The following TRAPPC9 variants were observed in gnomAD, a reference collection of about 807,000 sequenced individuals.
The protein encoded by TRAPPC9 is trafficking protein particle complex subunit 9, also known as IKK2 binding protein.
In TRAPPC9, 83 loss-of-function variants were observed where a neutral mutation model predicts 124.0. The ratio of observed to expected loss-of-function variants is 0.67; its 90% CI spans 0.56 to 0.80. TRAPPC9 has a LOEUF of 0.80. TRAPPC9 is among the 30% of genes least tolerant of loss of function. The pLI is 0.00. For synonymous variants in TRAPPC9, 638 were observed against 617.5 expected (o/e 1.03, Z -0.49); for missense variants, 1,302 against 1,508.3 (o/e 0.86, Z 2.27).
At chr8:139,791,824 G>A (rs1191611799) in intron 21 of TRAPPC9, among the ~76,000 whole-genome samples, 1 of 152,230 alleles carries the variant, frequency 6.6e-6, no homozygotes, top group Non-Finnish European at 1.5e-5. Context: ...CAGGGACAGT[G>A]CACAGGTCAC....
In TRAPPC9 at chr8:140,312,846, G is replaced by A. The variant is rs139495070; in HGVS notation, c.1496-1472C>T. ...ACAATCTCAGCTCACTGCAACCTCC[G>A]CCTCCCAGGTTCAAGCAATCCTCCC... On this transcript the variant is annotated intron_variant, in intron 9 of 22. Coordinates refer to ENST00000438773, the MANE Select transcript of TRAPPC9 (RefSeq NM_001160372.4). Among the ~76,000 whole-genome samples the A allele has an allele frequency of 4.2e-3, 613 of 145,966 alleles. 1 individual carries two copies. Among genetic ancestry groups the A allele is most frequent in the African/African-American group, 0.014 (567 of 39,378 alleles).
At chr8:139,762,978 C>T (rs1298034669) in intron 21 of TRAPPC9, among the ~76,000 whole-genome samples, 1 of 152,238 alleles carries the variant, frequency 6.6e-6, no homozygotes, top group East Asian at 1.9e-4. Context: ...GAGGCTGCAG[C>T]TGCAGCCGGG....
At chr8:140,276,706 A>G (rs12547346) in intron 14 of TRAPPC9, among the ~76,000 whole-genome samples, 48,859 of 152,002 alleles carry the variant, frequency 0.32, 8,522 homozygotes, top group African/African-American at 0.43. Context: ...AAATGCCAGC[A>G]GATGACAAAT....
At chr8:140,022,486 A>G (rs923336498) in intron 18 of TRAPPC9, among the ~76,000 whole-genome samples, 3 of 152,136 alleles carry the variant, frequency 2.0e-5, no homozygotes, top group Non-Finnish European at 4.4e-5. Context: ...CTCATCTTCA[A>G]CTGTCATTTA....
intron 17 of TRAPPC9, among the ~76,000 whole-genome samples, chr8:140,050,100 G>A (rs1392695376): frequency 6.6e-6 from 1 of 152,190 alleles, no homozygotes; most frequent in Non-Finnish European, 1.5e-5. Context: ...GGGGACCCAT[G>A]TTGATAGTGG....
intron 19 of TRAPPC9, among the ~76,000 whole-genome samples, chr8:139,935,944 T>C (rs1170081619): frequency 1.3e-5 from 2 of 152,198 alleles, no homozygotes; most frequent in African/African-American, 4.8e-5. Context: ...CAGGATGGCA[T>C]GTGACCTTTC....
chr8:139,953,318 C>T (rs1186521419), intron 19 of TRAPPC9, among the ~76,000 whole-genome samples: 1 of 152,194 alleles, frequency 6.6e-6, no homozygotes, highest in Non-Finnish European at 1.5e-5. Context: ...CATGCTGACA[C>T]ACTGTCTCTA....
At position 139,773,871 on chromosome 8, in the gene TRAPPC9, A is replaced by G. The variant is rs774762066; in HGVS notation, c.3056-41669T>C. On this transcript the variant is annotated intron_variant, in intron 21 of 22. Transcript: ENST00000438773. ...AAATTAAAATGTCTAAAAATAAATA[A>G]CATAGGAAGACAAAGTGCCTGTTTT... Among the ~76,000 whole-genome samples the G allele has an allele frequency of 2.0e-5, 3 of 152,218 alleles. No individual in the cohort carries two copies. In the South Asian group the frequency reaches 6.2e-4, roughly 31 times the overall value.
rs1465913833 is a variant in TRAPPC9 at position 139,776,118 on chromosome 8, C to CAA, written c.3056-43917_3056-43916insTT. 6.6e-6 allele frequency among the ~76,000 whole-genome samples: 1 copy of CAA among 152,202 alleles called. No homozygotes were observed. Among genetic ancestry groups the CAA allele is most frequent in the Admixed American group, 6.5e-5 (1 of 15,284 alleles). ...AACCTCCTTCCTGAGGACAAGAGGA[C>CAA]GAGGCTGGACTCTGCCAGGACCACG... is the stretch of plus-strand genomic sequence containing the variant. On this transcript the variant is annotated intron_variant, in intron 21 of 22. Coordinates refer to ENST00000438773, the MANE Select transcript of TRAPPC9 (RefSeq NM_001160372.4). The surrounding 1 kb of genome is among the most constrained non-coding windows in gnomAD (Gnocchi z 4.1).
At chr8:140,388,606 C>A (rs376530458) in intron 7 of TRAPPC9, among the ~76,000 whole-genome samples, 2 of 152,080 alleles carry the variant, frequency 1.3e-5, no homozygotes, top group East Asian at 1.9e-4. Context: ...TCGCTTGAAC[C>A]CAGGAGGCAG....
chr8:140,369,795 T>G (rs751187680), intron 8 of TRAPPC9, among the ~76,000 whole-genome samples: 18 of 151,900 alleles, frequency 1.2e-4, no homozygotes, highest in Non-Finnish European at 2.2e-4. Flanking sequence ...CTACTAAAAA[T>G]ACAAAAATTA....
At position 140,101,532 on chromosome 8, in the gene TRAPPC9, C is replaced by CTTTTTTTTTTTTTTTTTTTT. The variant is rs1234280796; in HGVS notation, c.2557-77454_2557-77453insAAAAAAAAAAAAAAAAAAAA. Among the ~76,000 whole-genome samples, 13 of 78,718 alleles carry CTTTTTTTTTTTTTTTTTTTT rather than the reference C, an allele frequency of 1.7e-4. 2 individuals are homozygous for CTTTTTTTTTTTTTTTTTTTT. The highest frequency in any genetic ancestry group is 4.5e-4 in the East Asian group (1 of 2,206). The allele number at this position is 78,718 out of a possible 152,430, so 51.6% of individuals were successfully genotyped here. On this transcript the variant is annotated intron_variant, in intron 17 of 22. Transcript: ENST00000438773. ...ACTTGGGTTGGTTTTGTAGGGTTTT[C>CTTTTTTTTTTTTTTTTTTTT]TTTTTTTTGTTTTTTTTTTTTTTTT...
intron 18 of TRAPPC9, among the ~76,000 whole-genome samples, chr8:140,000,373 T>A (rs532864219): frequency 1.3e-5 from 2 of 152,196 alleles, no homozygotes; most frequent in East Asian, 3.9e-4. Flanking sequence ...AAAGCCAAAA[T>A]AGACAAATGG....
intron 7 of TRAPPC9, among the ~76,000 whole-genome samples, chr8:140,389,393 A>AG (rs1364652703): frequency 6.6e-6 from 1 of 152,028 alleles, no homozygotes; most frequent in Non-Finnish European, 1.5e-5. Context: ...AATCCCTCAT[A>AG]GGGGGGGTTA....
chr8:139,845,679 AGGGCAAC>A lies in TRAPPC9; in HGVS notation c.3055+40193_3055+40199del, dbSNP rs1827031433. Reference sequence around the variant, plus strand: ...CTGTCCTGACTCCAGGCTGTGCCCCAGGGCAACGGCAGAGGTACAGTGCAGGTGCCTG... The same window carrying A: ...CTGTCCTGACTCCAGGCTGTGCCCCAGGCAGAGGTACAGTGCAGGTGCCTG... On this transcript the variant is annotated intron_variant, in intron 21 of 22. Transcript: ENST00000438773. 5.9e-5 allele frequency among the ~76,000 whole-genome samples: 9 copies of A among 152,322 alleles called. No homozygotes were observed. The South Asian group carries it at 1.9e-3, about 32-fold the overall frequency.
Position 140,024,025 on chromosome 8 carries a change from C to T in TRAPPC9, c.2611G>A (p.Gly871Arg). Residue 871 changes from glycine (G) to arginine (R), a missense_variant, in exon 18 of 23, where the codon GGA (glycine) becomes AGA (arginine). Gly to Arg is a moderately radical substitution (Grantham distance 125, BLOSUM62 -2). Around this residue, in one of 3 missense-constraint regions of TRAPPC9, gnomAD observed 640 missense variants for 679.3 expected, o/e 0.94. Coordinates refer to ENST00000438773, the MANE Select transcript of TRAPPC9 (RefSeq NM_001160372.4). ...KYSGGPGHTE[G>R]YYRNLSLGLH... ...CCCAGGGAGAGATTCCTGTAATATCCTTCAGTGTGGCCCGGGCCTCCAGAG... is the reference window on the plus strand; with the variant it reads ...CCCAGGGAGAGATTCCTGTAATATCTTTCAGTGTGGCCCGGGCCTCCAGAG... 6.2e-7 allele frequency: 1 copy of T among 1,614,110 alleles called. No individual in the cohort carries two copies. Among genetic ancestry groups the T allele is most frequent in the Non-Finnish European group, 8.5e-7 (1 of 1,180,020 alleles).
At chr8:140,321,284 G>A (rs1404502557) in intron 9 of TRAPPC9, among the ~76,000 whole-genome samples, 2 of 152,224 alleles carry the variant, frequency 1.3e-5, no homozygotes, top group African/African-American at 2.4e-5. Flanking sequence ...GTGCCAGGAG[G>A]AGCCAGGAGT....
At chr8:140,136,730 G>GGGGA (rs1225100668) in intron 17 of TRAPPC9, among the ~76,000 whole-genome samples, 1 of 152,178 alleles carries the variant, frequency 6.6e-6, no homozygotes, top group African/African-American at 2.4e-5. Flanking sequence ...CCCAGCAACA[G>GGGGA]GGGAGGCTGA....
intron 21 of TRAPPC9, among the ~76,000 whole-genome samples, chr8:139,855,380 A>C (rs1827735814): frequency 6.6e-6 from 1 of 152,166 alleles, no homozygotes; most frequent in Non-Finnish European, 1.5e-5. Flanking sequence ...AGGCCCTAGC[A>C]GGCAGGGGTA....
Sources: gnomAD v4.1 joint callset for allele counts (sites outside exome capture counted in the v4.1 genomes callset) on GRCh38, gnomAD v4.1.1 for gene constraint, gnomAD v4.1.1 regional missense constraint, Gnocchi (gnomAD v3.1) non-coding constraint, MANE v1.5 for transcripts, NCBI Gene and HGNC (gene_info 2026-07-23, HGNC 2026-07-21) for gene names.